The following EPHA3 variants were observed in gnomAD, a reference collection of about 807,000 sequenced individuals.
The protein encoded by EPHA3 is ephrin type-A receptor 3.
EPHA3 carries 42 observed loss-of-function variants against 107.1 expected under a neutral mutation model. The observed-to-expected ratio is 0.39, with a 90% CI of 0.31 to 0.51. EPHA3 has a LOEUF of 0.51. EPHA3 is among the 20% of genes least tolerant of loss of function. The pLI is 0.78. For synonymous variants in EPHA3, 461 were observed against 424.8 expected, an observed-to-expected ratio of 1.09 and a Z score of -1.05; for missense variants, 1,183 against 1,211.2, an observed-to-expected ratio of 0.98 and a Z score of 0.35.
chr3:89,347,365 A>C (rs1422226804), intron 5 of EPHA3, among the ~76,000 whole-genome samples: 2 of 148,276 alleles, frequency 1.3e-5, no homozygotes, highest in Admixed American at 6.8e-5. Flanking sequence ...TAGGTATTTT[A>C]TTCTCTTTGA....
At chr3:89,393,092 G>A (rs1218877047) in intron 5 of EPHA3, among the ~76,000 whole-genome samples, 1 of 152,058 alleles carries the variant, frequency 6.6e-6, no homozygotes, top group Non-Finnish European at 1.5e-5. Context: ...GTACTGAGTT[G>A]AACTTTTCTG....
intron 3 of EPHA3, among the ~76,000 whole-genome samples, chr3:89,312,809 C>T (rs1358392756): frequency 6.6e-6 from 1 of 151,934 alleles, no homozygotes; most frequent in Non-Finnish European, 1.5e-5. Context: ...TCATTCAGCT[C>T]CCACTTATAA....
intron 3 of EPHA3, among the ~76,000 whole-genome samples, chr3:89,329,013 C>A (rs1397589880): frequency 6.6e-6 from 1 of 152,146 alleles, no homozygotes; most frequent in East Asian, 1.9e-4. Flanking sequence ...TTCCCACCCT[C>A]TTCCCAATCC....
rs568692725 is a variant in EPHA3 at position 89,356,558 on chromosome 3, G to A, written c.1306+14468G>A. Among the ~76,000 whole-genome samples the A allele has an allele frequency of 6.0e-5, 9 of 151,092 alleles. 2 individuals are homozygous for A. Among genetic ancestry groups the A allele is most frequent in the Non-Finnish European group, 8.9e-5 (6 of 67,548 alleles). ...GATCAAATTCTGATACATTTCTTTG[G>A]TGTGATTGGCTTAGGCCCCAAGTTT... On this transcript the variant is annotated intron_variant, in intron 5 of 16. Coordinates refer to ENST00000336596, the MANE Select transcript of EPHA3 (RefSeq NM_005233.6).
intron 3 of EPHA3, among the ~76,000 whole-genome samples, chr3:89,244,347 C>G (rs1279132446): frequency 6.6e-6 from 1 of 151,732 alleles, no homozygotes; most frequent in Non-Finnish European, 1.5e-5. Flanking sequence ...GAAATATATG[C>G]TAATATCTAA....
chr3:89,329,473 C>A (rs1707243057), intron 3 of EPHA3, among the ~76,000 whole-genome samples: 1 of 152,078 alleles, frequency 6.6e-6, no homozygotes, highest in Non-Finnish European at 1.5e-5. Flanking sequence ...CAACTATAAG[C>A]AATCCATCTT....
chr3:89,349,548 G>A (rs1220455923), intron 5 of EPHA3, among the ~76,000 whole-genome samples: 2 of 148,896 alleles, frequency 1.3e-5, no homozygotes, highest in Non-Finnish European at 3.0e-5. Context: ...ACAGCACACT[G>A]ATGGGTCTTG....
At chr3:89,336,437 G>C (rs1198774227) in intron 3 of EPHA3, among the ~76,000 whole-genome samples, 7 of 152,294 alleles carry the variant, frequency 4.6e-5, no homozygotes. Context: ...TTGAGCACAA[G>C]TTGATTTACT....
intron 3 of EPHA3, among the ~76,000 whole-genome samples, chr3:89,295,670 C>T (rs1706331464): frequency 6.6e-6 from 1 of 152,120 alleles, no homozygotes; most frequent in South Asian, 2.1e-4. Flanking sequence ...CAGCTCGCTG[C>T]AACCTCTGCC....
chr3:89,255,339 GAGCTGCCCTT>G lies in EPHA3; in HGVS notation c.814+44822_814+44831del, dbSNP rs141588273. 9.2e-3 allele frequency among the ~76,000 whole-genome samples: 1,400 copies of G among 152,272 alleles called. 20 individuals carry two copies. The highest frequency in any genetic ancestry group is 0.032 in the African/African-American group (1,339 of 41,560). On this transcript the variant is annotated intron_variant, in intron 3 of 16. Transcript: ENST00000336596. The stretch of plus-strand genomic sequence containing the variant: ...CCTATATCATGGCCAAAGAGAGAGA[GAGCTGCCCTT>G]AGTCTGTTCATTTGGGACTTCCCTT...
intron 3 of EPHA3, among the ~76,000 whole-genome samples, chr3:89,268,308 T>G (rs1250033836): frequency 6.6e-6 from 1 of 152,108 alleles, no homozygotes; most frequent in Non-Finnish European, 1.5e-5. Flanking sequence ...TAGATCAACT[T>G]TCTTCTTTCT....
At chr3:89,271,674 C>T (rs2107298861) in intron 3 of EPHA3, among the ~76,000 whole-genome samples, 1 of 148,206 alleles carries the variant, frequency 6.7e-6, no homozygotes, top group Admixed American at 6.7e-5. Context: ...AGAAGAATAG[C>T]AATAGAAACA....
intron 5 of EPHA3, among the ~76,000 whole-genome samples, chr3:89,368,159 T>A (rs115315163): frequency 6.6e-6 from 1 of 150,464 alleles, no homozygotes; most frequent in East Asian, 1.9e-4. Context: ...AATACTAAAG[T>A]GTGTGCTGTT....
chr3:89,389,003 T>G (rs115193820), intron 5 of EPHA3, among the ~76,000 whole-genome samples: 2,441 of 152,300 alleles, frequency 0.016, 68 homozygotes, highest in African/African-American at 0.055. Flanking sequence ...TTTGAACTAA[T>G]CCACGGCTGG....
rs1451628317 is a variant in EPHA3 at position 89,363,836 on chromosome 3, G to A, written c.1306+21746G>A. ...GACCATATTGGAATTCTCTTTTAAT[G>A]GATCTTCATTCTTCCTTGAGAGTCT... On this transcript the variant is annotated intron_variant, in intron 5 of 16. Transcript: ENST00000336596. Among the ~76,000 whole-genome samples, 4 of 150,614 alleles carry A rather than the reference G, an allele frequency of 2.7e-5. No homozygotes were observed. In the East Asian group the frequency reaches 7.8e-4, roughly 29 times the overall value.
At chr3:89,419,421 C>T (rs753473711) in intron 11 of EPHA3, 31 bp downstream of exon 11, 1 of 1,518,586 alleles carries the variant, frequency 6.6e-7, no homozygotes, top group Admixed American at 2.2e-5. Flanking sequence ...ACCTGTGTTT[C>T]CGTATGTTGA....
chr3:89,201,085 T>C (rs1229226024), intron 2 of EPHA3, among the ~76,000 whole-genome samples: 1 of 152,096 alleles, frequency 6.6e-6, no homozygotes, highest in Non-Finnish European at 1.5e-5. Context: ...CTGCAAGCTG[T>C]ACAGGAAGCA....
chr3:89,311,028 T>C (rs1706753309), intron 3 of EPHA3, among the ~76,000 whole-genome samples: 1 of 151,962 alleles, frequency 6.6e-6, no homozygotes, highest in South Asian at 2.1e-4. Context: ...ATAATAGTGT[T>C]CATAGTGGTA....
chr3:89,332,826 G>C (rs1301577102), intron 3 of EPHA3, among the ~76,000 whole-genome samples: 1 of 152,088 alleles, frequency 6.6e-6, no homozygotes, highest in Non-Finnish European at 1.5e-5. Context: ...TACTAAAAGA[G>C]ACCTATTTAC....
Sources: gnomAD v4.1 joint callset for allele counts (sites outside exome capture counted in the v4.1 genomes callset) on GRCh38, gnomAD v4.1.1 for gene constraint, MANE v1.5 for transcripts, NCBI Gene and HGNC (gene_info 2026-07-23, HGNC 2026-07-21) for gene names.